The following RABGAP1L variants were observed in gnomAD, a reference collection of about 807,000 sequenced individuals.
RABGAP1L encodes the protein RAB GTPase activating protein 1 like.
In RABGAP1L, 63 loss-of-function variants were observed where a neutral mutation model predicts 137.7. The ratio of observed to expected loss-of-function variants is 0.46; its 90% CI spans 0.37 to 0.56. The LOEUF (loss-of-function observed/expected upper bound fraction) is 0.56, where lower values mean the gene tolerates loss of function less well. Ranked by LOEUF, RABGAP1L falls within the 20% of genes least tolerant of loss-of-function variation. The pLI, the probability that RABGAP1L is intolerant of heterozygous loss-of-function variation, is 0.00. For synonymous variants in RABGAP1L, 431 were observed against 433.7 expected (o/e 0.99, Z 0.08); for missense variants, 1,095 against 1,244.0 (o/e 0.88, Z 1.80).
chr1:174,479,770 T>C (rs1336487963), intron 13 of RABGAP1L, among the ~76,000 whole-genome samples: 1 of 152,222 alleles, frequency 6.6e-6, no homozygotes, highest in Non-Finnish European at 1.5e-5. Context: ...ACTCCCTAAT[T>C]AACCCTAGAG....
chr1:174,839,028 C>CGTGT (rs71726767), intron 19 of RABGAP1L, among the ~76,000 whole-genome samples: 12,123 of 129,998 alleles, frequency 0.093, 718 homozygotes, highest in Admixed American at 0.12. Context: ...AACTTTTTTA[C>CGTGT]GTGTGTGTGT....
chr1:174,658,024 T>C (rs962087523), intron 14 of RABGAP1L, among the ~76,000 whole-genome samples: 2 of 152,180 alleles, frequency 1.3e-5, no homozygotes, highest in African/African-American at 4.8e-5. Context: ...TTTCACTGTC[T>C]CTGATGTCTG....
rs1007026478 is a variant in RABGAP1L at position 174,976,113 on chromosome 1, C to G, written c.2580C>G (p.Leu860=). 4 of 1,551,048 alleles carry G rather than the reference C, an allele frequency of 2.6e-6. No individual in the cohort carries two copies. The highest frequency in any genetic ancestry group is 2.4e-5 in the South Asian group (2 of 84,044). The change falls in exon 22 of 26, where the codon CTC becomes CTG. Residue 860 remains leucine (L), a synonymous_variant. Coordinates refer to ENST00000681986, the MANE Select transcript of RABGAP1L (RefSeq NM_001366446.1). ...EDKADVLNKE[L]LLTKQRLVET... is the part of the protein sequence containing the mutation. ...AGGCAGATGTGTTGAATAAAGAGCTCCTTTTGACCAAACAGAGGCTGGTGG... is the reference window on the plus strand; with the variant it reads ...AGGCAGATGTGTTGAATAAAGAGCTGCTTTTGACCAAACAGAGGCTGGTGG...
chr1:174,892,527 G>A (rs764458996), intron 19 of RABGAP1L: 1 of 512,764 alleles, frequency 2.0e-6, no homozygotes, highest in East Asian at 5.4e-5. Context: ...GTTTCTCCAA[G>A]TTTCAATAGT....
chr1:174,416,943 G>C (rs1650666668), intron 13 of RABGAP1L, among the ~76,000 whole-genome samples: 1 of 152,010 alleles, frequency 6.6e-6, no homozygotes, highest in South Asian at 2.1e-4. Context: ...TTTTATAATT[G>C]TTCTTGATGT....
At chr1:174,678,095 A>G (rs1056015395) in intron 14 of RABGAP1L, among the ~76,000 whole-genome samples, 11 of 152,202 alleles carry the variant, frequency 7.2e-5, no homozygotes, top group South Asian at 2.1e-4. Flanking sequence ...TAAAAAGTCA[A>G]TTAGGGACTA....
Position 174,886,012 on chromosome 1 carries a change from A to ATT in RABGAP1L, c.2341-71428_2341-71427dup, listed in dbSNP as rs530537282. 9.8e-3 allele frequency among the ~76,000 whole-genome samples: 1,334 copies of ATT among 135,872 alleles called. 22 individuals carry two copies. The highest frequency in any genetic ancestry group is 0.021 in the African/African-American group (774 of 36,364). The allele number at this position is 135,872 out of a possible 152,430, so 89.1% of individuals were successfully genotyped here. Reference sequence around the variant, plus strand: ...GATGATTAAATTATTAGAGAAACCAATTTTTTTTTTTTTTTTTTGAGACAG... The same window carrying ATT: ...GATGATTAAATTATTAGAGAAACCAATTTTTTTTTTTTTTTTTTTTGAGACAG... On this transcript the variant is annotated intron_variant, in intron 19 of 25. Transcript: ENST00000681986.
At chr1:174,981,060 T>G (rs1671063467) in intron 23 of RABGAP1L, among the ~76,000 whole-genome samples, 1 of 152,172 alleles carries the variant, frequency 6.6e-6, no homozygotes, top group Non-Finnish European at 1.5e-5. Context: ...ATGCATGTTT[T>G]TCATTGCCAG....
rs566007260 is a variant in RABGAP1L, at chr1:174,407,880, A to G, written c.1710+13735A>G. Among the ~76,000 whole-genome samples the G allele has an allele frequency of 2.6e-5, 4 of 152,286 alleles. 1 individual carries two copies. Among genetic ancestry groups the G allele is most frequent in the African/African-American group, 7.2e-5 (3 of 41,574 alleles). On this transcript the variant is annotated intron_variant, in intron 13 of 25. Coordinates refer to ENST00000681986, the MANE Select transcript of RABGAP1L (RefSeq NM_001366446.1). ...GTGAGAACCATGATCACTTTTTACA[A>G]TGATAAAATGTACTGGAGAGATGAA...
At chr1:174,329,566 GT>G (rs1366860214) in intron 11 of RABGAP1L, among the ~76,000 whole-genome samples, 1 of 151,994 alleles carries the variant, frequency 6.6e-6, no homozygotes, top group Non-Finnish European at 1.5e-5. Flanking sequence ...GATGAGTATA[GT>G]TGTAAAAAAA....
intron 11 of RABGAP1L, among the ~76,000 whole-genome samples, chr1:174,349,822 C>T: frequency 7.5e-6 from 1 of 133,164 alleles, no homozygotes; most frequent in Non-Finnish European, 1.7e-5. Flanking sequence ...CAGAGGCGCC[C>T]CTCACCTCCC....
chr1:174,288,262 G>C lies in RABGAP1L; in HGVS notation c.1323+9483G>C, dbSNP rs183977967. The stretch of plus-strand genomic sequence containing the variant: ...TATACATACCACCACAAGAATATTA[G>C]AGAATTCTGATTTTGACTATCTATT... On this transcript the variant is annotated intron_variant, in intron 10 of 25. Coordinates refer to ENST00000681986, the MANE Select transcript of RABGAP1L (RefSeq NM_001366446.1). Among the ~76,000 whole-genome samples the C allele has an allele frequency of 9.6e-4, 146 of 151,912 alleles. 1 individual carries two copies. The highest frequency in any genetic ancestry group is 3.4e-3 in the Middle Eastern group (1 of 294).
At chr1:174,317,223 C>T (rs1335954006) in intron 11 of RABGAP1L, among the ~76,000 whole-genome samples, 1 of 151,758 alleles carries the variant, frequency 6.6e-6, no homozygotes, top group African/African-American at 2.4e-5. Context: ...GAGTTTTTTC[C>T]CATAGCCACT....
chr1:174,394,158 T>G lies in RABGAP1L; in HGVS notation c.1710+13T>G. ...TCTTATCACAAAGGTAGGAAGAAGTTCTTTTCATATTATTTTCATTGGATG... is the reference window on the plus strand; with the variant it reads ...TCTTATCACAAAGGTAGGAAGAAGTGCTTTTCATATTATTTTCATTGGATG... On this transcript the variant is annotated intron_variant, in intron 13 of 25. Transcript: ENST00000681986. 3 of 1,607,782 alleles carry G rather than the reference T, an allele frequency of 1.9e-6. No homozygotes were observed. Among genetic ancestry groups the G allele is most frequent in the Non-Finnish European group, 2.5e-6 (3 of 1,176,998 alleles).
chr1:174,421,901 T>A (rs1422076248), intron 13 of RABGAP1L, among the ~76,000 whole-genome samples: 1 of 152,194 alleles, frequency 6.6e-6, no homozygotes, highest in Non-Finnish European at 1.5e-5. Flanking sequence ...CCTGAGTAGC[T>A]GGGATTACAG....
chr1:174,435,823 C>T (rs12354254), intron 13 of RABGAP1L, among the ~76,000 whole-genome samples: 26 of 134,012 alleles, frequency 1.9e-4, no homozygotes, highest in South Asian at 4.6e-4. Flanking sequence ...ACACCACAAC[C>T]GTCCCCGGTG....
intron 19 of RABGAP1L, among the ~76,000 whole-genome samples, chr1:174,854,283 A>G (rs1169915566): frequency 2.0e-5 from 3 of 152,190 alleles, no homozygotes; most frequent in African/African-American, 7.2e-5. Flanking sequence ...CATTGACTTC[A>G]TGAATGAATA....
At chr1:174,887,881 A>G (rs752509031) in intron 19 of RABGAP1L, among the ~76,000 whole-genome samples, 3 of 152,114 alleles carry the variant, frequency 2.0e-5, no homozygotes, top group Non-Finnish European at 4.4e-5. Context: ...CCAAAAAAAT[A>G]CAAAAATTAG....
At chr1:174,840,864 A>G (rs577101792) in intron 19 of RABGAP1L, among the ~76,000 whole-genome samples, 1 of 151,686 alleles carries the variant, frequency 6.6e-6, no homozygotes, top group African/African-American at 2.4e-5. Flanking sequence ...AATAGACTCA[A>G]TGAGGAATCA....
Sources: allele counts gnomAD v4.1 joint callset (sites outside exome capture counted in the v4.1 genomes callset), GRCh38; gene constraint gnomAD v4.1.1; transcripts MANE v1.5; gene names NCBI Gene and HGNC (gene_info 2026-07-23, HGNC 2026-07-21).